The following RABGAP1 variants were observed in gnomAD, a reference collection of about 807,000 sequenced individuals.
RABGAP1 encodes the protein RAB GTPase activating protein 1, also known as rab GTPase-activating protein 1.
Under a neutral mutation model 137.6 loss-of-function variants are expected in RABGAP1, and 23 were observed. The ratio of observed to expected loss-of-function variants is 0.17; its 90% CI spans 0.12 to 0.24. The LOEUF (loss-of-function observed/expected upper bound fraction) is 0.24, where lower values mean the gene tolerates loss of function less well. Ranked by LOEUF, RABGAP1 falls within the 10% of genes least tolerant of loss-of-function variation. RABGAP1 has a pLI of 1.00. For synonymous variants in RABGAP1, 451 were observed against 450.7 expected, an observed-to-expected ratio of 1.00 and a Z score of -0.01; for missense variants, 906 against 1,275.8, an observed-to-expected ratio of 0.71 and a Z score of 4.42.
chr9:122,934,360 G>C, the RABGAP1 span, among the ~76,000 whole-genome samples: 1 of 152,168 alleles, frequency 6.6e-6, no homozygotes, highest in South Asian at 2.1e-4. Context: ...TTACAGGCGT[G>C]AGCCACCACG....
chr9:122,935,527 A>G, the RABGAP1 span, among the ~76,000 whole-genome samples: 2 of 151,896 alleles, frequency 1.3e-5, no homozygotes, highest in East Asian at 3.9e-4. Context: ...CTTAGTAGAG[A>G]TGGAGTTTCA....
chr9:123,090,041 CT>C (rs2034989337), intron 20 of RABGAP1, among the ~76,000 whole-genome samples, 191 bp downstream of exon 20: 1 of 152,130 alleles, frequency 6.6e-6, no homozygotes, highest in East Asian at 1.9e-4. Context: ...AGTTCAGTGG[CT>C]TTTCGTCACA....
At chr9:123,010,621 A>G in intron 11 of RABGAP1, 93 bp downstream of exon 11, 1 of 1,187,372 alleles carries the variant, frequency 8.4e-7, no homozygotes, top group Non-Finnish European at 1.2e-6. Context: ...GTGATACGGC[A>G]TTTATAATTC....
chr9:123,059,756 C>T (rs190673802), intron 13 of RABGAP1, among the ~76,000 whole-genome samples: 2 of 152,244 alleles, frequency 1.3e-5, no homozygotes, highest in Admixed American at 1.3e-4. Context: ...CTATGAGCTG[C>T]AAAGCGACCC....
intron 2 of RABGAP1, among the ~76,000 whole-genome samples, chr9:122,969,134 C>T (rs1192262486): frequency 6.6e-6 from 1 of 152,134 alleles, no homozygotes; most frequent in African/African-American, 2.4e-5. Flanking sequence ...TGTACCTTTT[C>T]TGTGTTTAGA....
intron 19 of RABGAP1, among the ~76,000 whole-genome samples, chr9:123,084,968 C>T (rs1273567406): frequency 1.3e-5 from 2 of 152,192 alleles, no homozygotes; most frequent in Admixed American, 1.3e-4. Context: ...TGTACCACGT[C>T]GCGCCTGCCC....
At chr9:123,058,672 A>C (rs1466971290) in intron 13 of RABGAP1, among the ~76,000 whole-genome samples, 2 of 152,238 alleles carry the variant, frequency 1.3e-5, no homozygotes, top group Non-Finnish European at 2.9e-5. Context: ...AAATTTAAGA[A>C]GTGCTGATAT....
chr9:123,029,302 C>G, intron 13 of RABGAP1: 1 of 590,382 alleles, frequency 1.7e-6, no homozygotes, highest in Non-Finnish European at 3.0e-6. Context: ...GTTAATTAAT[C>G]AATGTTTAAA....
intron 2 of RABGAP1, among the ~76,000 whole-genome samples, chr9:122,981,398 C>T (rs138036296): frequency 6.4e-4 from 97 of 152,258 alleles, no homozygotes; most frequent in African/African-American, 2.1e-3. Flanking sequence ...ATGACAGATG[C>T]CATGCTGTGT....
chr9:122,978,369 T>C (rs1317683082), intron 2 of RABGAP1, among the ~76,000 whole-genome samples: 1 of 152,236 alleles, frequency 6.6e-6, no homozygotes, highest in Admixed American at 6.5e-5. Context: ...TTTTTATTGC[T>C]TAGTAGTATT....
intron 2 of RABGAP1, among the ~76,000 whole-genome samples, chr9:122,969,409 G>A (rs947855188): frequency 1.3e-5 from 2 of 152,292 alleles, no homozygotes; most frequent in African/African-American, 4.8e-5. Context: ...TGAGGAACAT[G>A]TTCTCCAAAT....
intron 2 of RABGAP1, among the ~76,000 whole-genome samples, chr9:122,968,962 A>G (rs1835324096): frequency 6.6e-6 from 1 of 152,160 alleles, no homozygotes; most frequent in Non-Finnish European, 1.5e-5. Flanking sequence ...TAGTCACCCT[A>G]TTGTGCTAGC....
In RABGAP1 at chr9:123,103,588, C is replaced by CATATATAT; in HGVS notation, c.*417_*424dup. The CATATATAT allele has an allele frequency of 3.2e-3, 144 of 44,902 alleles. 3 individuals are homozygous for CATATATAT. Among genetic ancestry groups the CATATATAT allele is most frequent in the Non-Finnish European group, 4.9e-3 (102 of 20,856 alleles). 2.8% of individuals were successfully genotyped at this position (44,902 alleles called of 1,614,324 possible). ...TTCTAAACCTTTTTTTTTTAATATA[C>CATATATAT]ATATATATATATATATATATATATA... On this transcript the variant is annotated 3_prime_UTR_variant, in exon 26 of 26. Coordinates refer to ENST00000373647, the MANE Select transcript of RABGAP1 (RefSeq NM_012197.4).
At chr9:122,997,740 ACT>A (rs771683350) in intron 9 of RABGAP1, among the ~76,000 whole-genome samples, 9 of 152,202 alleles carry the variant, frequency 5.9e-5, no homozygotes, top group Non-Finnish European at 1.0e-4. Context: ...CAAAGGAATC[ACT>A]GTTAGCAGTT....
In RABGAP1 at chr9:123,034,076, G is replaced by A. The variant is rs185909235; in HGVS notation, c.1794+13617G>A. On this transcript the variant is annotated intron_variant, in intron 13 of 25. Coordinates refer to ENST00000373647, the MANE Select transcript of RABGAP1 (RefSeq NM_012197.4). ...GTGAATAGTGGTGCCAGTAGGGGTG[G>A]AGCGGGAGGGATGATGCCAGCCTGA... is the stretch of plus-strand genomic sequence containing the variant. 31 of 164,446 alleles carry A rather than the reference G, an allele frequency of 1.9e-4. 1 individual carries two copies. The highest frequency in any genetic ancestry group is 7.3e-4 in the South Asian group (4 of 5,482). The allele number at this position is 164,446 out of a possible 1,614,324, so 10.2% of individuals were successfully genotyped here.
intron 19 of RABGAP1, among the ~76,000 whole-genome samples, chr9:123,079,603 A>G (rs1193600465): frequency 6.6e-6 from 1 of 151,992 alleles, no homozygotes; most frequent in African/African-American, 2.4e-5. Context: ...GATTCATTGG[A>G]TTTTAGAGTT....
intron 2 of RABGAP1, among the ~76,000 whole-genome samples, chr9:122,976,078 G>GT (rs1445211808): frequency 2.0e-5 from 3 of 152,048 alleles, no homozygotes; most frequent in Non-Finnish European, 4.4e-5. Flanking sequence ...TCTGGGCCCA[G>GT]TTTTTTTTAG....
chr9:122,991,979 A>G (rs747084702), intron 6 of RABGAP1, among the ~76,000 whole-genome samples: 19 of 151,966 alleles, frequency 1.3e-4, no homozygotes, highest in Non-Finnish European at 2.2e-4. Flanking sequence ...GAAAATTATA[A>G]TCTGTATAAT....
chr9:123,047,250 T>C (rs145695337), intron 13 of RABGAP1, among the ~76,000 whole-genome samples: 23 of 152,324 alleles, frequency 1.5e-4, no homozygotes, highest in Admixed American at 9.8e-4. Context: ...CAGAAATGTT[T>C]GTTCGAGGAG....
Sources: allele counts gnomAD v4.1 joint callset (sites outside exome capture counted in the v4.1 genomes callset), GRCh38; gene constraint gnomAD v4.1.1; transcripts MANE v1.5; gene names NCBI Gene and HGNC (gene_info 2026-07-23, HGNC 2026-07-21).